IQSEC1: variants seen among roughly 807,000 people sequenced by gnomAD.
IQSEC1 encodes the protein IQ motif and SEC7 domain-containing protein 1.
Under a neutral mutation model 91.0 loss-of-function variants are expected in IQSEC1, and 31 were observed. The ratio of observed to expected loss-of-function variants is 0.34; its 90% confidence interval spans 0.26 to 0.46. The LOEUF is 0.46. IQSEC1 is among the 20% of genes least tolerant of loss of function. The probability of loss-of-function intolerance (pLI) is 1.00; values close to 1 mark genes in which losing one functional copy is unlikely to be tolerated. For synonymous variants in IQSEC1, 699 were observed against 662.6 expected (o/e 1.05, Z -0.84); for missense variants, 1,388 against 1,575.6 (o/e 0.88, Z 2.02).
chr3:12,918,020 G>A (rs566172242), intron 6 of IQSEC1, among the ~76,000 whole-genome samples: 1 of 152,160 alleles, frequency 6.6e-6, no homozygotes, highest in Non-Finnish European at 1.5e-5. Context: ...CTACAAAAAG[G>A]ACAAGCTGTC....
intron 1 of IQSEC1, among the ~76,000 whole-genome samples, chr3:13,038,903 A>C (rs1176485551): frequency 6.6e-6 from 1 of 151,032 alleles, no homozygotes; most frequent in African/African-American, 2.4e-5. Flanking sequence ...TACCTACAGC[A>C]ATTTAAAAAA....
At position 12,935,336 on chromosome 3, in the gene IQSEC1, A is replaced by G; in HGVS notation, c.1568+112T>C. On this transcript the variant is annotated intron_variant, in intron 3 of 13. Transcript: ENST00000613206. This position sits in a 1 kb window ranked among gnomAD's most constrained non-coding sequence, Gnocchi z 8.0. ...CCTTGTGTGGCAGCTTCCTATGCTCATAGGCCACGGTGGACCTCAAGCTCC... is the reference window on the plus strand; with the variant it reads ...CCTTGTGTGGCAGCTTCCTATGCTCGTAGGCCACGGTGGACCTCAAGCTCC... 9.3e-7 allele frequency: 1 copy of G among 1,075,674 alleles called. No homozygotes were observed. Among genetic ancestry groups the G allele is most frequent in the Admixed American group, 2.1e-5 (1 of 46,700 alleles). 66.6% of individuals were successfully genotyped at this position (1,075,674 alleles called of 1,614,324 possible). A position where few individuals can be genotyped will look rare whatever the true frequency, so the allele number is the denominator to read the frequency against.
At chr3:13,005,507 A>G (rs1162447610) in intron 1 of IQSEC1, among the ~76,000 whole-genome samples, 1 of 151,976 alleles carries the variant, frequency 6.6e-6, no homozygotes, top group Non-Finnish European at 1.5e-5. Flanking sequence ...CTGGGTGACC[A>G]CGGAGGCAGG....
At chr3:13,016,362 C>T (rs1265647259) in intron 1 of IQSEC1, among the ~76,000 whole-genome samples, 6 of 152,222 alleles carry the variant, frequency 3.9e-5, no homozygotes, top group East Asian at 1.9e-4. Context: ...AGTGGCCGGC[C>T]GCCACATCTC....
intron 2 of IQSEC1, among the ~76,000 whole-genome samples, chr3:13,156,320 C>A (rs1400591342): frequency 6.6e-6 from 1 of 152,082 alleles, no homozygotes; most frequent in Non-Finnish European, 1.5e-5. Flanking sequence ...ATAATGAAGA[C>A]CATATACAAA....
At chr3:13,024,122 C>T (rs1703513683) in intron 1 of IQSEC1, among the ~76,000 whole-genome samples, 1 of 152,222 alleles carries the variant, frequency 6.6e-6, no homozygotes, top group East Asian at 1.9e-4. Context: ...CTGGCCTGTC[C>T]TCCTAGTAGG....
intron 1 of IQSEC1, among the ~76,000 whole-genome samples, chr3:12,977,790 T>A (rs1474989144): frequency 6.6e-6 from 1 of 152,248 alleles, no homozygotes; most frequent in African/African-American, 2.4e-5. Flanking sequence ...TAAACATCCC[T>A]TTTTGCAGTC....
At chr3:13,019,270 G>A (rs886648584) in intron 1 of IQSEC1, among the ~76,000 whole-genome samples, 10 of 152,146 alleles carry the variant, frequency 6.6e-5, no homozygotes, top group South Asian at 2.1e-4. Context: ...CCCTTCTCCC[G>A]GCTCCTTGAC....
chr3:13,165,242 T>C (rs913087906), intron 1 of IQSEC1, among the ~76,000 whole-genome samples: 1 of 152,120 alleles, frequency 6.6e-6, no homozygotes, highest in Non-Finnish European at 1.5e-5. Context: ...TCAGCATCAA[T>C]GCACAGCAAC....
intron 12 of IQSEC1, among the ~76,000 whole-genome samples, chr3:12,907,634 A>C (rs1446288379): frequency 6.6e-6 from 1 of 152,150 alleles, no homozygotes; most frequent in East Asian, 1.9e-4. Context: ...CACAAGGGAG[A>C]GCCTGGGCCA....
intron 1 of IQSEC1, among the ~76,000 whole-genome samples, chr3:13,002,933 TA>T (rs1312982141): frequency 6.6e-6 from 1 of 152,128 alleles, no homozygotes; most frequent in Non-Finnish European, 1.5e-5. Flanking sequence ...TCTAAAAAGT[TA>T]AACAGAGAGT....
chr3:12,937,900 G>A (rs544828142), intron 2 of IQSEC1, among the ~76,000 whole-genome samples: 46 of 152,276 alleles, frequency 3.0e-4, no homozygotes, highest in African/African-American at 1.0e-3. Context: ...TAGATGGCTC[G>A]TCTGGCCTAC....
chr3:13,181,735 C>T (rs1267117896), intron 1 of IQSEC1, among the ~76,000 whole-genome samples: 1 of 152,232 alleles, frequency 6.6e-6, no homozygotes, highest in Non-Finnish European at 1.5e-5. Context: ...GCACCTAGCC[C>T]AGCAAAAGCC....
intron 1 of IQSEC1, among the ~76,000 whole-genome samples, chr3:13,003,963 G>A (rs771280157): frequency 1.2e-4 from 19 of 152,220 alleles, no homozygotes; most frequent in Non-Finnish European, 2.5e-4. Flanking sequence ...TTGGTGGAAT[G>A]TTATTAGTGA....
chr3:13,177,026 T>C (rs1156804374), intron 1 of IQSEC1, among the ~76,000 whole-genome samples: 3 of 152,154 alleles, frequency 2.0e-5, no homozygotes, highest in Admixed American at 6.5e-5. Context: ...GGCAGTGGAT[T>C]AGTGGATGTC....
rs1404792559 is a variant in IQSEC1 at position 12,897,166 on chromosome 3, C to G, written c.*3817G>C. The G allele has an allele frequency of 6.6e-6, 1 of 152,234 alleles. No individual in the cohort carries two copies. The highest frequency in any genetic ancestry group is 2.4e-5 in the African/African-American group (1 of 41,462). 9.4% of individuals were successfully genotyped at this position (152,234 alleles called of 1,614,324 possible). ...ATGGGGAAACTCATCAGCTGGAGAT[C>G]TGGGTCTGGCCAACAGGGCAACTTC... On this transcript the variant is annotated 3_prime_UTR_variant, in exon 14 of 14. Coordinates refer to ENST00000613206, the MANE Select transcript of IQSEC1 (RefSeq NM_001134382.3).
intron 1 of IQSEC1, among the ~76,000 whole-genome samples, chr3:13,185,871 C>T (rs1693922446): frequency 6.6e-6 from 1 of 152,378 alleles, no homozygotes; most frequent in East Asian, 1.9e-4. Flanking sequence ...GCCCACTTTT[C>T]TGGGCATATT....
intron 1 of IQSEC1, among the ~76,000 whole-genome samples, chr3:13,038,685 A>G (rs1180767242): frequency 6.6e-6 from 1 of 152,190 alleles, no homozygotes; most frequent in African/African-American, 2.4e-5. Context: ...CGAAGGATAA[A>G]TGCTTGAGGG....
At chr3:13,251,976 C>A (rs1315708141) in intron 1 of IQSEC1, among the ~76,000 whole-genome samples, 2 of 152,198 alleles carry the variant, frequency 1.3e-5, no homozygotes. Context: ...GCAGAGCAAA[C>A]CCAGAGCCCA....
Sources: gnomAD v4.1 joint callset for allele counts (sites outside exome capture counted in the v4.1 genomes callset) on GRCh38, gnomAD v4.1.1 for gene constraint, Gnocchi (gnomAD v3.1) non-coding constraint, MANE v1.5 for transcripts, NCBI Gene and HGNC (gene_info 2026-07-23, HGNC 2026-07-21) for gene names.